The following ARAP2 variants were observed in gnomAD, a reference collection of about 807,000 sequenced individuals.
The protein encoded by ARAP2 is arf-GAP with Rho-GAP domain, ANK repeat and PH domain-containing protein 2.
In ARAP2, 148 loss-of-function variants were observed where a neutral mutation model predicts 194.5. That is an observed-to-expected ratio of 0.76 (90% CI 0.67 to 0.87). The LOEUF (loss-of-function observed/expected upper bound fraction) is 0.87. ARAP2 is among the 40% of genes least tolerant of loss of function. The pLI is 0.00. For synonymous variants in ARAP2, 695 were observed against 683.5 expected (o/e 1.02, Z -0.26); for missense variants, 2,128 against 1,989.7 (o/e 1.07, Z -1.32).
At chr4:36,009,259 T>C (rs1254261758) in intron 9 of ARAP2, among the ~76,000 whole-genome samples, 1 of 152,128 alleles carries the variant, frequency 6.6e-6, no homozygotes, top group East Asian at 1.9e-4. Flanking sequence ...ACAGCATTAT[T>C]CACAATAACA....
intron 2 of ARAP2, 41 bp downstream of exon 2, chr4:36,228,541 C>A: frequency 6.7e-7 from 1 of 1,499,540 alleles, no homozygotes; most frequent in Non-Finnish European, 8.9e-7. Context: ...CACTGAATTT[C>A]CTCAAATTGA....
intron 5 of ARAP2, among the ~76,000 whole-genome samples, chr4:36,022,837 C>T (rs1717241664): frequency 6.6e-6 from 1 of 152,142 alleles, no homozygotes; most frequent in Non-Finnish European, 1.5e-5. Context: ...TATTGTATTA[C>T]ATTTCAAGGT....
At chr4:36,047,485 G>A (rs781137185) in intron 3 of ARAP2, among the ~76,000 whole-genome samples, 6 of 152,162 alleles carry the variant, frequency 3.9e-5, no homozygotes, top group Non-Finnish European at 7.4e-5. Flanking sequence ...ATCCTGTTAT[G>A]TAAAAATTTT....
At chr4:36,077,915 T>C (rs1728618246) in intron 31 of ARAP2, among the ~76,000 whole-genome samples, 2 of 152,252 alleles carry the variant, frequency 1.3e-5, no homozygotes, top group East Asian at 3.9e-4. Context: ...GCCTGCATGA[T>C]ACCCCTCTCA....
chr4:36,106,742 T>C (rs1288738047), intron 27 of ARAP2, among the ~76,000 whole-genome samples: 1 of 151,890 alleles, frequency 6.6e-6, no homozygotes, highest in Non-Finnish European at 1.5e-5. Flanking sequence ...ATTTGTAAAA[T>C]TCAAAAGGTA....
chr4:36,020,218 C>A (rs1001556282), intron 5 of ARAP2, among the ~76,000 whole-genome samples: 41 of 152,266 alleles, frequency 2.7e-4, no homozygotes, highest in African/African-American at 7.7e-4. Flanking sequence ...CAAAACCAGC[C>A]TGGTCAACAT....
intron 27 of ARAP2, among the ~76,000 whole-genome samples, chr4:36,096,358 C>CCG (rs1715245936): frequency 1.1e-5 from 1 of 92,082 alleles, no homozygotes; most frequent in Non-Finnish European, 1.8e-5. Context: ...GAGTGAGACT[C>CCG]TCTCAAAAAA....
chr4:36,182,495 C>CTAAATAAATAAATAAATAAA (rs71201004), intron 8 of ARAP2, among the ~76,000 whole-genome samples: 8 of 140,698 alleles, frequency 5.7e-5, no homozygotes, highest in African/African-American at 1.6e-4. Context: ...GACTCCATCT[C>CTAAATAAATAAATAAATAAA]TAAATAAATA....
intron 8 of ARAP2, among the ~76,000 whole-genome samples, chr4:36,181,991 G>A (rs1243492591): frequency 6.6e-6 from 1 of 152,176 alleles, no homozygotes; most frequent in African/African-American, 2.4e-5. Context: ...TGAGGAGCAG[G>A]CTGGAGGAAG....
chr4:36,183,281 T>A (rs538348265), intron 8 of ARAP2, among the ~76,000 whole-genome samples: 12 of 87,340 alleles, frequency 1.4e-4, no homozygotes, highest in East Asian at 7.9e-4. Context: ...ATGTTCTTTT[T>A]AAAATTTTTT....
intron 1 of ARAP2, among the ~76,000 whole-genome samples, chr4:36,236,934 TAAAAGAG>T (rs922321887): frequency 6.6e-6 from 1 of 152,186 alleles, no homozygotes; most frequent in Non-Finnish European, 1.5e-5. Flanking sequence ...CTACGGATGA[TAAAAGAG>T]AAAAGTGTCC....
At chr4:36,037,220 C>G (rs1720073376) in intron 5 of ARAP2, among the ~76,000 whole-genome samples, 1 of 152,180 alleles carries the variant, frequency 6.6e-6, no homozygotes, top group Non-Finnish European at 1.5e-5. Context: ...TACTTCTCTA[C>G]CAATGCACTG....
intron 2 of ARAP2, among the ~76,000 whole-genome samples, chr4:36,223,352 T>G (rs1749567257): frequency 6.6e-6 from 1 of 152,130 alleles, no homozygotes; most frequent in Non-Finnish European, 1.5e-5. Flanking sequence ...TTTCCCTATG[T>G]CGATTTTATT....
In ARAP2 at chr4:36,066,943, TAA is replaced by T. The variant is rs1473225988; in HGVS notation, c.*962_*963del. The stretch of plus-strand genomic sequence containing the variant: ...GAGAAAAACATTACAACCTTAATAA[TAA>T]TTTAAAAAAATCTAAAAATCAAACA... On this transcript the variant is annotated 3_prime_UTR_variant, in exon 33 of 33. Coordinates refer to ENST00000303965, the MANE Select transcript of ARAP2 (RefSeq NM_015230.4). 1 of 152,148 alleles carries T rather than the reference TAA, an allele frequency of 6.6e-6. No individual in the cohort carries two copies. Among genetic ancestry groups the T allele is most frequent in the African/African-American group, 2.4e-5 (1 of 41,410 alleles). 9.4% of individuals were successfully genotyped at this position (152,148 alleles called of 1,614,324 possible). A position where few individuals can be genotyped will look rare whatever the true frequency, so the allele number is the denominator to read the frequency against.
At chr4:36,124,235 C>T (rs1168543132) in intron 22 of ARAP2, among the ~76,000 whole-genome samples, 2 of 151,722 alleles carry the variant, frequency 1.3e-5, no homozygotes, top group East Asian at 1.9e-4. Flanking sequence ...GTATTTCATC[C>T]ATTCAGGGAG....
In ARAP2 at chr4:36,158,950, C is replaced by T; in HGVS notation, c.2618-86G>A. The T allele has an allele frequency of 2.4e-6, 3 of 1,232,732 alleles. No homozygotes were observed. The South Asian group carries it at 6.0e-5, about 25-fold the overall frequency. The allele number at this position is 1,232,732 out of a possible 1,614,324, so 76.4% of individuals were successfully genotyped here. A position where few individuals can be genotyped will look rare whatever the true frequency, so the allele number is the denominator to read the frequency against. ...TTATAATATGTACATGAGTTTTGAG[C>T]TAGAAGAAAAACTACTTCAAATTTA... On this transcript the variant is annotated intron_variant, in intron 14 of 32. Transcript: ENST00000303965.
At position 36,124,914 on chromosome 4, in the gene ARAP2, G is replaced by A. The variant is rs922747029; in HGVS notation, c.3694C>T (p.Leu1232Phe). 3.7e-6 allele frequency: 6 copies of A among 1,611,160 alleles called. 1 individual carries two copies. The East Asian group carries it at 6.7e-5, about 18-fold the overall frequency. Residue 1232 changes from leucine (L) to phenylalanine (F), a missense_variant, in exon 22 of 33, where the codon CTT becomes TTT. Transcript: ENST00000303965. ...AGTGTTGCTCGGTTGACCCCTGGAAGAGAACGTATAAATGCTCCATATTTT... is the reference window on the plus strand; with the variant it reads ...AGTGTTGCTCGGTTGACCCCTGGAAAAGAACGTATAAATGCTCCATATTTT... Reference protein sequence around the residue: ...IKKYGAFIRSLPGVNRATLAA... With the variant: ...IKKYGAFIRSFPGVNRATLAA...
chr4:36,107,932 C>A (rs1718851917), intron 26 of ARAP2, among the ~76,000 whole-genome samples: 1 of 151,826 alleles, frequency 6.6e-6, no homozygotes, highest in Non-Finnish European at 1.5e-5. Context: ...TGCAGGAATA[C>A]CTGTTACTGA....
At position 36,066,187 on chromosome 4, in the gene ARAP2, C is replaced by A. The variant is rs1229439117; in HGVS notation, c.*1720G>T. The stretch of plus-strand genomic sequence containing the variant: ...CAGGTAAAAACTCTAGATACTTTTC[C>A]ACTGTCCAACATCACCAAATATTAA... On this transcript the variant is annotated 3_prime_UTR_variant, in exon 33 of 33. Coordinates refer to ENST00000303965, the MANE Select transcript of ARAP2 (RefSeq NM_015230.4). 1 of 152,126 alleles carries A rather than the reference C, an allele frequency of 6.6e-6. No homozygotes were observed. The highest frequency in any genetic ancestry group is 2.4e-5 in the African/African-American group (1 of 41,432). 9.4% of individuals were successfully genotyped at this position (152,126 alleles called of 1,614,324 possible).
Sources: gnomAD v4.1 joint callset for allele counts (sites outside exome capture counted in the v4.1 genomes callset) on GRCh38, gnomAD v4.1.1 for gene constraint, MANE v1.5 for transcripts, NCBI Gene and HGNC (gene_info 2026-07-23, HGNC 2026-07-21) for gene names.